The following PTPRD variants were observed in gnomAD, a reference collection of about 807,000 sequenced individuals.
PTPRD encodes the protein receptor-type tyrosine-protein phosphatase delta.
PTPRD carries 34 observed loss-of-function variants against 214.5 expected under a neutral mutation model. That is an observed-to-expected ratio of 0.16 (90% CI 0.12 to 0.21). PTPRD has a LOEUF of 0.21. Among genes scored for constraint, PTPRD ranks in the 10% least tolerant of loss-of-function variants. PTPRD has a pLI of 1.00. For missense variants in PTPRD, 2,545 were observed against 2,398.7 expected (o/e 1.06, Z -1.27); for synonymous variants, 1,128 against 845.7 (o/e 1.33, Z -5.79).
chr9:9,844,009 T>G (rs2058914482), intron 5 of PTPRD, among the ~76,000 whole-genome samples: 1 of 152,004 alleles, frequency 6.6e-6, no homozygotes, highest in Non-Finnish European at 1.5e-5. Context: ...AATACAGGTG[T>G]TCTAGTGCTG....
chr9:8,812,479 C>T (rs192325857), intron 11 of PTPRD, among the ~76,000 whole-genome samples: 164 of 152,292 alleles, frequency 1.1e-3, no homozygotes, highest in South Asian at 1.9e-3. Flanking sequence ...ATTTTTTACT[C>T]TCAAAGGGAG....
intron 2 of PTPRD, among the ~76,000 whole-genome samples, chr9:10,549,768 T>C (rs1022315398): frequency 6.6e-6 from 1 of 152,166 alleles, no homozygotes; most frequent in African/African-American, 2.4e-5. Flanking sequence ...TGATAATTCT[T>C]GGGAGTATTC....
intron 2 of PTPRD, among the ~76,000 whole-genome samples, chr9:10,512,141 G>A (rs945271370): frequency 1.4e-5 from 2 of 148,012 alleles, no homozygotes; most frequent in Non-Finnish European, 3.0e-5. Context: ...GCTATAGATG[G>A]CATGGTAATA....
intron 11 of PTPRD, among the ~76,000 whole-genome samples, chr9:8,813,821 A>C (rs750291924): frequency 5.3e-5 from 8 of 152,238 alleles, no homozygotes; most frequent in Non-Finnish European, 8.8e-5. Context: ...ATATCACAGA[A>C]AGAATTGGCT....
chr9:9,787,078 A>G (rs1342197671), intron 5 of PTPRD, among the ~76,000 whole-genome samples: 1 of 152,122 alleles, frequency 6.6e-6, no homozygotes, highest in Non-Finnish European at 1.5e-5. Flanking sequence ...CGGAGGTTGC[A>G]GTGATCTGAG....
chr9:10,306,414 A>C (rs1284783623), intron 3 of PTPRD, among the ~76,000 whole-genome samples: 1 of 152,100 alleles, frequency 6.6e-6, no homozygotes, highest in Non-Finnish European at 1.5e-5. Flanking sequence ...CCCAAAACTT[A>C]AAGTATAATA....
rs1008977957 is a variant in PTPRD at position 9,584,869 on chromosome 9, G to A, written c.-286-10088C>T. On this transcript the variant is annotated intron_variant, in intron 7 of 45. Coordinates refer to ENST00000381196, the MANE Select transcript of PTPRD (RefSeq NM_002839.4). The stretch of plus-strand genomic sequence containing the variant: ...AGTCTTCAAGCTTTATTTTCTTCTT[G>A]TGTGGATGCTTTACACGTCTTATGA... Among the ~76,000 whole-genome samples the A allele has an allele frequency of 5.3e-5, 8 of 151,716 alleles. No individual in the cohort carries two copies. In the East Asian group the frequency reaches 1.4e-3, roughly 26 times the overall value.
intron 3 of PTPRD, among the ~76,000 whole-genome samples, chr9:10,128,453 G>T (rs371025244): frequency 6.6e-6 from 1 of 152,080 alleles, no homozygotes; most frequent in Non-Finnish European, 1.5e-5. Flanking sequence ...GAACACCAAC[G>T]ACTGACAGCA....
rs561899287 is a variant in PTPRD, at chr9:9,279,075, G to C, written c.-202-95712C>G. ...ATCATATCAATAGTTACCTAAGAAA[G>C]TAATGTTTAATAAAAAAGCTTACCT... is the stretch of plus-strand genomic sequence containing the variant. On this transcript the variant is annotated intron_variant, in intron 9 of 45. Transcript: ENST00000381196. Among the ~76,000 whole-genome samples the C allele has an allele frequency of 7.3e-5, 11 of 151,070 alleles. No homozygotes were observed. In the South Asian group the frequency reaches 2.3e-3, roughly 31 times the overall value.
chr9:9,848,250 C>A (rs978659661), intron 5 of PTPRD, among the ~76,000 whole-genome samples: 1 of 152,106 alleles, frequency 6.6e-6, no homozygotes, highest in African/African-American at 2.4e-5. Flanking sequence ...CCCAGTACTG[C>A]TTCTGTTATG....
chr9:8,810,997 G>A (rs1460681475), intron 11 of PTPRD, among the ~76,000 whole-genome samples: 2 of 152,114 alleles, frequency 1.3e-5, no homozygotes, highest in Non-Finnish European at 2.9e-5. Flanking sequence ...CGGTTTGGGA[G>A]AAAGCCCTGA....
At chr9:9,378,662 T>A (rs573235696) in intron 9 of PTPRD, among the ~76,000 whole-genome samples, 2 of 152,166 alleles carry the variant, frequency 1.3e-5, no homozygotes, top group African/African-American at 4.8e-5. Context: ...TTGTCCCATA[T>A]CCTAGCTAGC....
At chr9:8,717,278 G>C (rs555355696) in intron 12 of PTPRD, among the ~76,000 whole-genome samples, 5 of 152,150 alleles carry the variant, frequency 3.3e-5, no homozygotes, top group African/African-American at 1.2e-4. Flanking sequence ...GGATGGAAGA[G>C]AAATACACAA....
chr9:8,598,831 G>C (rs1250700416), intron 14 of PTPRD, among the ~76,000 whole-genome samples: 1 of 152,174 alleles, frequency 6.6e-6, no homozygotes, highest in Non-Finnish European at 1.5e-5. Context: ...TATGAGCCAA[G>C]TTGGAATCAT....
chr9:8,765,324 T>C (rs916195231), intron 11 of PTPRD, among the ~76,000 whole-genome samples: 1 of 152,112 alleles, frequency 6.6e-6, no homozygotes, highest in Non-Finnish European at 1.5e-5. Context: ...GGTGATGCAA[T>C]AACAATAACA....
intron 7 of PTPRD, among the ~76,000 whole-genome samples, chr9:9,665,410 T>G (rs1230247971): frequency 6.6e-6 from 1 of 151,758 alleles, no homozygotes; most frequent in Non-Finnish European, 1.5e-5. Context: ...TTATTTAATA[T>G]CAAAACTTAT....
intron 43 of PTPRD, among the ~76,000 whole-genome samples, chr9:8,336,895 G>C (rs926700171): frequency 4.1e-4 from 62 of 152,182 alleles, no homozygotes; most frequent in African/African-American, 1.4e-3. Flanking sequence ...AAACCACAAT[G>C]AGATACCATC....
At chr9:10,003,195 G>T (rs1056753287) in intron 4 of PTPRD, among the ~76,000 whole-genome samples, 1 of 151,764 alleles carries the variant, frequency 6.6e-6, no homozygotes, top group Non-Finnish European at 1.5e-5. Flanking sequence ...GAATTGAAAG[G>T]ATATGACACA....
chr9:9,311,593 T>G (rs1207606330), intron 9 of PTPRD, among the ~76,000 whole-genome samples: 1 of 152,158 alleles, frequency 6.6e-6, no homozygotes, highest in Non-Finnish European at 1.5e-5. Flanking sequence ...TAAGGAGAAT[T>G]TAGAAGGATG....
Sources: allele counts gnomAD v4.1 joint callset (sites outside exome capture counted in the v4.1 genomes callset), GRCh38; gene constraint gnomAD v4.1.1; transcripts MANE v1.5; gene names NCBI Gene and HGNC (gene_info 2026-07-23, HGNC 2026-07-21).